KIAA1217: variants seen among roughly 807,000 people sequenced by gnomAD.
KIAA1217 encodes the protein sickle tail protein homolog.
Under a neutral mutation model 163.9 loss-of-function variants are expected in KIAA1217, and 88 were observed. The ratio of observed to expected loss-of-function variants is 0.54; its 90% confidence interval spans 0.45 to 0.64. KIAA1217 has a LOEUF of 0.64. Among genes scored for constraint, KIAA1217 ranks in the 30% least tolerant of loss-of-function variants. The pLI, the probability that KIAA1217 is intolerant of heterozygous loss-of-function variation, is 0.00. For synonymous variants in KIAA1217, 903 were observed against 923.1 expected (o/e 0.98, Z 0.39); for missense variants, 2,372 against 2,475.0 (o/e 0.96, Z 0.88).
chr10:24,145,720 C>T (rs749144918), intron 2 of KIAA1217, among the ~76,000 whole-genome samples: 11 of 152,308 alleles, frequency 7.2e-5, no homozygotes, highest in African/African-American at 2.2e-4. Flanking sequence ...GCCGAAGGCC[C>T]GAGAGCCCCT....
intron 1 of KIAA1217, among the ~76,000 whole-genome samples, chr10:23,733,247 A>G (rs533733263): frequency 2.0e-4 from 31 of 152,284 alleles, no homozygotes; most frequent in African/African-American, 7.5e-4. Flanking sequence ...TGCTGACCTC[A>G]AGTGATCCTC....
chr10:24,029,635 C>G (rs1368044710), intron 2 of KIAA1217, among the ~76,000 whole-genome samples: 1 of 152,178 alleles, frequency 6.6e-6, no homozygotes, highest in Non-Finnish European at 1.5e-5. Context: ...GGATTTACTA[C>G]ACCTCTCAAG....
chr10:23,802,883 A>G (rs1490904549), intron 1 of KIAA1217, among the ~76,000 whole-genome samples: 1 of 152,168 alleles, frequency 6.6e-6, no homozygotes, highest in Non-Finnish European at 1.5e-5. Context: ...GAGCTCACAG[A>G]GTTTTCCAAA....
intron 6 of KIAA1217, among the ~76,000 whole-genome samples, chr10:24,480,575 C>T (rs184945511): frequency 1.3e-5 from 2 of 152,240 alleles, no homozygotes; most frequent in African/African-American, 4.8e-5. Flanking sequence ...TAGTATCTAC[C>T]CCACAGGATG....
rs1483514215 is a variant in KIAA1217, at chr10:23,929,398, G to T, written c.-320-77827G>T. Among the ~76,000 whole-genome samples the T allele has an allele frequency of 2.6e-5, 4 of 152,038 alleles. No homozygotes were observed. The East Asian group carries it at 7.7e-4, about 29-fold the overall frequency. ...GATATTGTGTGATGCTGAGGTTTGG[G>T]CTTCTGCTGAACCCAATAGTGAGCA... is the stretch of plus-strand genomic sequence containing the variant. On this transcript the variant is annotated intron_variant, in intron 1 of 18. Transcript: ENST00000376462.
rs2075372274 is a variant in KIAA1217, at chr10:24,543,682, TAGAG to T, written c.4416_4419del (p.Arg1473Ter). 2.5e-6 allele frequency: 4 copies of T among 1,613,532 alleles called. No homozygotes were observed. Among genetic ancestry groups the T allele is most frequent in the Non-Finnish European group, 3.4e-6 (4 of 1,179,738 alleles). On this transcript the variant is annotated frameshift_variant, in exon 19 of 21. Coordinates refer to ENST00000376454, the MANE Select transcript of KIAA1217 (RefSeq NM_019590.5). LOFTEE classifies it high-confidence loss of function. Reference sequence around the variant, plus strand: ...ATCTTTGAGGAATGTGATGAGGAATTAGAGAGAATGATGATGGAGGAAAAGATAG... The same window carrying T: ...ATCTTTGAGGAATGTGATGAGGAATTAGAATGATGATGGAGGAAAAGATAG...
At chr10:24,027,243 C>T (rs1440249711) in intron 2 of KIAA1217, among the ~76,000 whole-genome samples, 1 of 152,090 alleles carries the variant, frequency 6.6e-6, no homozygotes, top group Non-Finnish European at 1.5e-5. Context: ...TGGGTGTCCC[C>T]TCCCTGCACT....
intron 14 of KIAA1217, among the ~76,000 whole-genome samples, 200 bp downstream of exon 14, chr10:24,528,319 T>G (rs990951641): frequency 1.6e-5 from 2 of 125,114 alleles, no homozygotes; most frequent in African/African-American, 2.9e-5. Context: ...GTTTTTTTTT[T>G]TTGTTTTTTT....
chr10:23,940,398 T>C (rs930309662), intron 1 of KIAA1217, among the ~76,000 whole-genome samples: 1 of 140,006 alleles, frequency 7.1e-6, no homozygotes, highest in Non-Finnish European at 1.5e-5. Flanking sequence ...AGGCGGAGTT[T>C]GCAGTGAGCC....
At chr10:24,146,503 T>C (rs990680648) in intron 2 of KIAA1217, among the ~76,000 whole-genome samples, 1 of 152,140 alleles carries the variant, frequency 6.6e-6, no homozygotes, top group East Asian at 1.9e-4. Flanking sequence ...CTGGGCAACA[T>C]GACGAAACCC....
At chr10:24,121,422 A>G (rs1261721606) in intron 2 of KIAA1217, among the ~76,000 whole-genome samples, 1 of 152,200 alleles carries the variant, frequency 6.6e-6, no homozygotes, top group Non-Finnish European at 1.5e-5. Context: ...AGCTTAAAGC[A>G]TGGACATTCT....
chr10:24,493,091 C>T (rs1235722814), intron 6 of KIAA1217, among the ~76,000 whole-genome samples: 1 of 152,180 alleles, frequency 6.6e-6, no homozygotes, highest in African/African-American at 2.4e-5. Context: ...GGTGATCCGC[C>T]CACCTGGGCC....
chr10:24,489,390 A>C lies in KIAA1217; in HGVS notation c.1680-5110A>C, dbSNP rs553599087. ...TCTGTAATATGTCTTCTGGAAACTT[A>C]AGAACAAATCCTTTGGGATTCTTAA... On this transcript the variant is annotated intron_variant, in intron 6 of 20. Coordinates refer to ENST00000376454, the MANE Select transcript of KIAA1217 (RefSeq NM_019590.5). Among the ~76,000 whole-genome samples, 9 of 152,308 alleles carry C rather than the reference A, an allele frequency of 5.9e-5. No individual in the cohort carries two copies. In the South Asian group the frequency reaches 1.9e-3, roughly 32 times the overall value.
At chr10:23,774,395 G>A (rs1834923313) in intron 1 of KIAA1217, among the ~76,000 whole-genome samples, 1 of 152,156 alleles carries the variant, frequency 6.6e-6, no homozygotes, top group South Asian at 2.1e-4. Flanking sequence ...CCTAGGTCCT[G>A]TACTTCAGAG....
In KIAA1217 at chr10:23,790,215, A is replaced by ACATATGCATATGCG. The variant is rs1360506737; in HGVS notation, c.-321+94994_-321+94995insGCATATGCATATGC. 2.9e-5 allele frequency among the ~76,000 whole-genome samples: 3 copies of ACATATGCATATGCG among 104,794 alleles called. 1 individual carries two copies. Among genetic ancestry groups the ACATATGCATATGCG allele is most frequent in the Non-Finnish European group, 5.5e-5 (3 of 54,330 alleles). 68.7% of individuals were successfully genotyped at this position (104,794 alleles called of 152,430 possible). A position where few individuals can be genotyped will look rare whatever the true frequency, so the allele number is the denominator to read the frequency against. On this transcript the variant is annotated intron_variant, in intron 1 of 18. Coordinates refer to the KIAA1217 transcript ENST00000376462. ...TACACATATGCATATACACATATAC[A>ACATATGCATATGCG]CATATGCATATGCACATATGCATAT...
intron 2 of KIAA1217, among the ~76,000 whole-genome samples, chr10:24,112,575 T>C (rs1316822199): frequency 1.3e-5 from 2 of 151,840 alleles, no homozygotes; most frequent in African/African-American, 4.8e-5. Context: ...ACTAGTGCTC[T>C]TTTTTTTATT....
intron 5 of KIAA1217, chr10:24,449,447 C>T (rs980073787): frequency 5.1e-6 from 5 of 985,016 alleles, no homozygotes; most frequent in Non-Finnish European, 6.0e-6. Context: ...ATGGAAGAAA[C>T]ATTTCTCGTT....
chr10:24,426,032 G>T (rs569493846), intron 3 of KIAA1217, among the ~76,000 whole-genome samples: 3 of 152,280 alleles, frequency 2.0e-5, no homozygotes, highest in South Asian at 2.1e-4. Flanking sequence ...TTAGCCATTT[G>T]CCACTGGTAT....
rs1160582353 is a variant in KIAA1217 at position 24,301,941 on chromosome 10, AG to A, written c.355-78926del. 3.9e-5 allele frequency among the ~76,000 whole-genome samples: 6 copies of A among 152,274 alleles called. No homozygotes were observed. The East Asian group carries it at 1.2e-3, about 29-fold the overall frequency. ...CCGCCTATAATCCCAGCTACTTGGGAGGCTGAGGCAGGAGAATCACTTGAAC... is the reference window on the plus strand; with the variant it reads ...CCGCCTATAATCCCAGCTACTTGGGAGCTGAGGCAGGAGAATCACTTGAAC... On this transcript the variant is annotated intron_variant, in intron 2 of 20. Coordinates refer to ENST00000376454, the MANE Select transcript of KIAA1217 (RefSeq NM_019590.5).
Sources: gnomAD v4.1 joint callset for allele counts (sites outside exome capture counted in the v4.1 genomes callset) on GRCh38, gnomAD v4.1.1 for gene constraint, MANE v1.5 for transcripts, NCBI Gene and HGNC (gene_info 2026-07-23, HGNC 2026-07-21) for gene names.